MARK3: variants seen among roughly 807,000 people sequenced by gnomAD.
MARK3 encodes microtubule affinity regulating kinase 3.
MARK3 carries 46 observed loss-of-function variants against 90.1 expected under a neutral mutation model. The ratio of observed to expected loss-of-function variants is 0.51; its 90% CI spans 0.40 to 0.65. The LOEUF is 0.65. Ranked by LOEUF, MARK3 falls within the 30% of genes least tolerant of loss-of-function variation. The pLI, the probability that MARK3 is intolerant of heterozygous loss-of-function variation, is 0.00. For missense variants in MARK3, 818 were observed against 947.2 expected (o/e 0.86, Z 1.79); for synonymous variants, 321 against 332.6 (o/e 0.97, Z 0.38).
At chr14:103,400,490 A>G (rs1196241025) in intron 1 of MARK3, among the ~76,000 whole-genome samples, 1 of 152,220 alleles carries the variant, frequency 6.6e-6, no homozygotes, top group Non-Finnish European at 1.5e-5. Context: ...ATGGTGGATG[A>G]AGTGGTACCA....
In MARK3 at chr14:103,442,949, C is replaced by A. The variant is rs577808771; in HGVS notation, c.298-5970C>A. On this transcript the variant is annotated intron_variant, in intron 3 of 17. Coordinates refer to ENST00000429436, the MANE Select transcript of MARK3 (RefSeq NM_001128918.3). ...CCAAAACTTTGGTGGGTGTCCCCCC[C>A]CCTCCCACCGACAAGGAAGTGAGAA... 3.2e-4 allele frequency among the ~76,000 whole-genome samples: 48 copies of A among 150,740 alleles called. 3 individuals are homozygous for A. The highest frequency in any genetic ancestry group is 6.1e-4 in the African/African-American group (25 of 40,706).
chr14:103,455,066 A>G (rs1446486377), intron 5 of MARK3, among the ~76,000 whole-genome samples: 1 of 152,252 alleles, frequency 6.6e-6, no homozygotes, highest in Non-Finnish European at 1.5e-5. Context: ...CTGAATTATA[A>G]TTTAGTAATT....
chr14:103,416,553 C>G (rs2091950673), intron 2 of MARK3, among the ~76,000 whole-genome samples: 1 of 152,152 alleles, frequency 6.6e-6, no homozygotes, highest in South Asian at 2.1e-4. Context: ...AGTGGATCAC[C>G]TGATATCAGG....
chr14:103,421,200 A>G (rs2092205539), intron 2 of MARK3, among the ~76,000 whole-genome samples: 2 of 152,196 alleles, frequency 1.3e-5, no homozygotes, highest in Admixed American at 1.3e-4. Context: ...CCAATCATAT[A>G]TAGTAAAGAA....
chr14:103,477,478 C>T (rs1434667537), intron 13 of MARK3, among the ~76,000 whole-genome samples: 2 of 151,306 alleles, frequency 1.3e-5, no homozygotes, highest in Non-Finnish European at 2.9e-5. Context: ...GGTAACAGAG[C>T]GAGACTCCAT....
intron 15 of MARK3, among the ~76,000 whole-genome samples, chr14:103,493,304 G>T (rs920597532): frequency 8.4e-5 from 12 of 142,430 alleles, no homozygotes; most frequent in Admixed American, 7.5e-4. Flanking sequence ...GCCAAGGCTG[G>T]AGTGCAGTGG....
chr14:103,413,222 T>G (rs993926636), intron 2 of MARK3, among the ~76,000 whole-genome samples: 1 of 152,176 alleles, frequency 6.6e-6, no homozygotes, highest in African/African-American at 2.4e-5. Flanking sequence ...CAAATTTGTT[T>G]TCAGGTTTTG....
At chr14:103,491,183 T>G (rs1461273554) in intron 14 of MARK3, 1 of 1,113,080 alleles carries the variant, frequency 9.0e-7, no homozygotes, top group African/African-American at 1.6e-5. Flanking sequence ...GATTTTATAG[T>G]CTGAGATTTT....
intron 2 of MARK3, chr14:103,412,271 G>T: frequency 1.5e-6 from 1 of 677,812 alleles, no homozygotes. Flanking sequence ...GTGGCCAACA[G>T]CCACAGCCAA....
intron 13 of MARK3, 69 bp downstream of exon 13, chr14:103,475,279 C>A: frequency 1.5e-6 from 2 of 1,294,800 alleles, no homozygotes; most frequent in South Asian, 2.5e-5. Flanking sequence ...ACCAGGTGTT[C>A]ATTTTACTCC....
chr14:103,462,546 T>A, intron 7 of MARK3, 85 bp downstream of exon 7: 3 of 859,100 alleles, frequency 3.5e-6, no homozygotes, highest in Non-Finnish European at 1.8e-6. Flanking sequence ...GAGGTATAGA[T>A]TAGCCTTATT....
intron 3 of MARK3, among the ~76,000 whole-genome samples, chr14:103,435,113 A>T (rs1189287662): frequency 2.0e-5 from 3 of 152,226 alleles, no homozygotes; most frequent in Admixed American, 1.3e-4. Context: ...CATGCTTTTC[A>T]TGTGGTCTGT....
At chr14:103,400,317 G>T (rs1443831246) in intron 1 of MARK3, among the ~76,000 whole-genome samples, 1 of 152,140 alleles carries the variant, frequency 6.6e-6, no homozygotes, top group Non-Finnish European at 1.5e-5. Context: ...GAACTGGCCA[G>T]AACTAAGCCA....
intron 2 of MARK3, among the ~76,000 whole-genome samples, chr14:103,414,198 TTTTC>T (rs1324630743): frequency 8.6e-4 from 122 of 141,098 alleles, no homozygotes; most frequent in Non-Finnish European, 1.2e-3. Context: ...AGTACTTTTC[TTTTC>T]TTTCTTTTTT....
intron 2 of MARK3, among the ~76,000 whole-genome samples, chr14:103,410,896 T>A (rs1414667066): frequency 6.6e-6 from 1 of 152,214 alleles, no homozygotes; most frequent in East Asian, 1.9e-4. Flanking sequence ...AGTTTTTAAG[T>A]ATTTATGTGG....
At position 103,466,099 on chromosome 14, in the gene MARK3, T is replaced by C. The variant is rs776204183; in HGVS notation, c.897+8T>C. The C allele has an allele frequency of 8.1e-6, 13 of 1,611,786 alleles. No homozygotes were observed. The highest frequency in any genetic ancestry group is 1.1e-5 in the South Asian group (1 of 90,572). Reference sequence around the variant, plus strand: ...AAACGCGGCACTCTAGAGGTAATCATGTAGGTGGAAACAAGCAGTAACTTT... The same window carrying C: ...AAACGCGGCACTCTAGAGGTAATCACGTAGGTGGAAACAAGCAGTAACTTT... On this transcript the variant is annotated splice_region_variant and intron_variant, in intron 9 of 17. Coordinates refer to ENST00000429436, the MANE Select transcript of MARK3 (RefSeq NM_001128918.3).
intron 1 of MARK3, chr14:103,386,399 GAT>G (rs2089801185): frequency 1.6e-6 from 1 of 643,140 alleles, no homozygotes; most frequent in Non-Finnish European, 2.9e-6. Flanking sequence ...GTGTGTGTCA[GAT>G]CACTGCAGTG....
chr14:103,445,529 A>G (rs10130887), intron 3 of MARK3, among the ~76,000 whole-genome samples: 4,274 of 152,266 alleles, frequency 0.028, 221 homozygotes, highest in African/African-American at 0.097. Flanking sequence ...CTTTTTGCCT[A>G]CGGAATTAAA....
At chr14:103,408,185 T>TG (rs2091427709) in intron 2 of MARK3, among the ~76,000 whole-genome samples, 1 of 152,066 alleles carries the variant, frequency 6.6e-6, no homozygotes, top group Non-Finnish European at 1.5e-5. Flanking sequence ...TACTGTTTTT[T>TG]GGCGGGGGGG....
Sources: gnomAD v4.1 joint callset for allele counts (sites outside exome capture counted in the v4.1 genomes callset) on GRCh38, gnomAD v4.1.1 for gene constraint, MANE v1.5 for transcripts, NCBI Gene and HGNC (gene_info 2026-07-23, HGNC 2026-07-21) for gene names.